The following MAGI3 variants were observed in gnomAD, a reference collection of about 807,000 sequenced individuals.
MAGI3 encodes the protein membrane associated guanylate kinase, WW and PDZ domain containing 3, also known as membrane-associated guanylate kinase, WW and PDZ domain-containing protein 3.
A neutral mutation model predicts 121.8 loss-of-function variants in MAGI3; 43 were observed. The ratio of observed to expected loss-of-function variants is 0.35; its 90% CI spans 0.28 to 0.46. The LOEUF (loss-of-function observed/expected upper bound fraction) is 0.46, where lower values mean the gene tolerates loss of function less well. Among genes scored for constraint, MAGI3 ranks in the 20% least tolerant of loss-of-function variants. The pLI, the probability that MAGI3 is intolerant of heterozygous loss-of-function variation, is 1.00. For synonymous variants in MAGI3, 553 were observed against 639.3 expected (o/e 0.86, Z 2.04); for missense variants, 1,547 against 1,797.3 (o/e 0.86, Z 2.52).
rs376151744 is a variant in MAGI3, at chr1:113,391,090, C to G, written c.57C>G (p.Ala19=). The change falls in exon 1 of 21, where the codon GCC becomes GCG. Residue 19 remains alanine (A), a synonymous_variant. Transcript: ENST00000307546. The surrounding 1 kb of genome is among the most constrained non-coding windows in gnomAD (Gnocchi z 4.4). ...KHWLSKVQEC[A]VSWAGPPGDF... is the part of the protein sequence containing the mutation. ...GGCTCAGCAAGGTGCAGGAGTGCGC[C>G]GTGTCCTGGGCCGGGCCCCCGGGCG... 1.3e-3 allele frequency: 2,117 copies of G among 1,589,044 alleles called. 3 individuals carry two copies. Among genetic ancestry groups the G allele is most frequent in the Non-Finnish European group, 1.6e-3 (1,860 of 1,168,534 alleles).
chr1:113,407,708 G>A lies in MAGI3; in HGVS notation c.316+16359G>A, dbSNP rs368217659. On this transcript the variant is annotated intron_variant, in intron 1 of 20. Transcript: ENST00000307546. ...AAATATGCTCAAGGTCGTATAGCTA[G>A]TTACTGGTGAATCTAGGATCAGCAT... Among the ~76,000 whole-genome samples, 26 of 152,114 alleles carry A rather than the reference G, an allele frequency of 1.7e-4. 1 individual carries two copies. In the East Asian group the frequency reaches 2.7e-3, roughly 16 times the overall value.
At chr1:113,394,761 A>G (rs1034894680) in intron 1 of MAGI3, among the ~76,000 whole-genome samples, 2 of 152,198 alleles carry the variant, frequency 1.3e-5, no homozygotes, top group African/African-American at 2.4e-5. Context: ...ATCATTGTCT[A>G]CTGCCATATG....
intron 2 of MAGI3, among the ~76,000 whole-genome samples, chr1:113,579,612 G>A (rs1647880051): frequency 6.6e-6 from 1 of 152,140 alleles, no homozygotes; most frequent in South Asian, 2.1e-4. Context: ...GCAGTGACTA[G>A]GAGGAGTGTA....
intron 16 of MAGI3, among the ~76,000 whole-genome samples, chr1:113,670,190 C>T (rs1254820440): frequency 3.3e-5 from 5 of 152,078 alleles, no homozygotes; most frequent in Non-Finnish European, 4.4e-5. Context: ...AGCCAGAGGG[C>T]GTAGAAATCC....
chr1:113,496,435 ATG>A (rs1656921848), intron 1 of MAGI3, among the ~76,000 whole-genome samples: 1 of 152,186 alleles, frequency 6.6e-6, no homozygotes, highest in African/African-American at 2.4e-5. Flanking sequence ...GAAATCCTAT[ATG>A]TGTTTGTTAA....
intron 6 of MAGI3, among the ~76,000 whole-genome samples, chr1:113,599,473 G>T (rs1649231070): frequency 6.6e-6 from 1 of 152,190 alleles, no homozygotes; most frequent in South Asian, 2.1e-4. Context: ...AAATCTAGAA[G>T]AAATGGATAA....
intron 1 of MAGI3, among the ~76,000 whole-genome samples, chr1:113,430,059 A>G (rs2101415967): frequency 6.6e-6 from 1 of 152,308 alleles, no homozygotes; most frequent in African/African-American, 2.4e-5. Flanking sequence ...TTTCCAGATA[A>G]TTCTGAATAT....
At chr1:113,516,888 T>A (rs954573181) in intron 1 of MAGI3, among the ~76,000 whole-genome samples, 43 of 152,176 alleles carry the variant, frequency 2.8e-4, no homozygotes, top group South Asian at 1.7e-3. Context: ...AATGGCACTT[T>A]ACCTTACTCG....
chr1:113,564,811 A>G (rs1434600757), intron 2 of MAGI3, among the ~76,000 whole-genome samples: 1 of 152,044 alleles, frequency 6.6e-6, no homozygotes. Context: ...AATTTTTCAT[A>G]CCTAAAATTG....
chr1:113,526,279 G>A (rs1317923500), intron 1 of MAGI3, among the ~76,000 whole-genome samples: 2 of 152,194 alleles, frequency 1.3e-5, no homozygotes, highest in East Asian at 3.9e-4. Context: ...AGCTTACAGA[G>A]TCCTAGGGGA....
chr1:113,623,009 A>G lies in MAGI3; in HGVS notation c.1360+15A>G, dbSNP rs894396343. The G allele has an allele frequency of 1.1e-5, 16 of 1,493,130 alleles. No individual in the cohort carries two copies. In the African/African-American group the frequency reaches 1.5e-4, roughly 14 times the overall value. 92.5% of individuals were successfully genotyped at this position (1,493,130 alleles called of 1,614,324 possible). On this transcript the variant is annotated intron_variant, in intron 9 of 20. Transcript: ENST00000307546. ...AATTGCACCAGGTAAGAAATTTTTC[A>G]TAATTATTTGAAGAGTAGTGATACT...
chr1:113,651,306 T>G, intron 14 of MAGI3, 100 bp downstream of exon 14: 1 of 1,120,448 alleles, frequency 8.9e-7, no homozygotes, highest in Non-Finnish European at 1.2e-6. Context: ...CATTCAGTAG[T>G]ATCTAAGATA....
intron 2 of MAGI3, among the ~76,000 whole-genome samples, chr1:113,558,787 A>G (rs1365731166): frequency 1.3e-5 from 2 of 152,196 alleles, no homozygotes; most frequent in Non-Finnish European, 2.9e-5. Flanking sequence ...GTTGAAATGA[A>G]AGAAAAAATG....
intron 1 of MAGI3, among the ~76,000 whole-genome samples, chr1:113,534,322 C>T (rs1186162268): frequency 2.0e-5 from 3 of 152,216 alleles, no homozygotes; most frequent in Non-Finnish European, 4.4e-5. Context: ...TTAGTGACTT[C>T]ACCACAGAGT....
At chr1:113,620,687 C>T (rs569540726) in intron 8 of MAGI3, among the ~76,000 whole-genome samples, 2 of 152,252 alleles carry the variant, frequency 1.3e-5, no homozygotes, top group East Asian at 3.9e-4. Flanking sequence ...ACAGGGCTTG[C>T]CCTCAAGAGT....
At chr1:113,442,320 C>T (rs1224036607) in intron 1 of MAGI3, among the ~76,000 whole-genome samples, 1 of 152,130 alleles carries the variant, frequency 6.6e-6, no homozygotes, top group African/African-American at 2.4e-5. Flanking sequence ...AAATGAATCT[C>T]ATGCCGATTA....
rs139055226 is a variant in MAGI3, at chr1:113,422,207, A to C, written c.316+30858A>C. ...CTTTCCCTTAGTTTGCACCAATGGT[A>C]ACATTCTTACAAAACTACAGTATAA... On this transcript the variant is annotated intron_variant, in intron 1 of 20. Transcript: ENST00000307546. This position sits in a 1 kb window ranked among gnomAD's most constrained non-coding sequence, Gnocchi z 4.3. 2.9e-3 allele frequency among the ~76,000 whole-genome samples: 438 copies of C among 152,362 alleles called. 3 individuals carry two copies. Among genetic ancestry groups the C allele is most frequent in the African/African-American group, 0.01 (421 of 41,578 alleles).
chr1:113,672,833 ATT>A, intron 18 of MAGI3, 92 bp downstream of exon 18: 1 of 1,450,000 alleles, frequency 6.9e-7, no homozygotes, highest in Non-Finnish European at 9.3e-7. Flanking sequence ...GTTCAGATAA[ATT>A]TGTTTCCAAA....
At chr1:113,673,070 C>G (rs1016043833) in intron 18 of MAGI3, among the ~76,000 whole-genome samples, 2 of 152,154 alleles carry the variant, frequency 1.3e-5, no homozygotes, top group African/African-American at 4.8e-5. Flanking sequence ...GAAGCACTTT[C>G]CAAAATTCTG....
Sources: gnomAD v4.1 joint callset for allele counts (sites outside exome capture counted in the v4.1 genomes callset) on GRCh38, gnomAD v4.1.1 for gene constraint, Gnocchi (gnomAD v3.1) non-coding constraint, MANE v1.5 for transcripts, NCBI Gene and HGNC (gene_info 2026-07-23, HGNC 2026-07-21) for gene names.